HPCAL1: variants seen among roughly 807,000 people sequenced by gnomAD.
The protein encoded by HPCAL1 is hippocalcin like 1, also known as hippocalcin-like protein 1.
HPCAL1 carries 8 observed loss-of-function variants against 17.1 expected under a neutral mutation model. The ratio of observed to expected loss-of-function variants is 0.47; its 90% CI spans 0.27 to 0.84. HPCAL1 has a LOEUF of 0.84. HPCAL1 is among the 40% of genes least tolerant of loss of function. The pLI, the probability that HPCAL1 is intolerant of heterozygous loss-of-function variation, is 0.13. For missense variants in HPCAL1, 165 were observed against 271.1 expected (o/e 0.61, Z 2.75); for synonymous variants, 112 against 111.4 (o/e 1.01, Z -0.03).
At chr2:10,378,067 C>T (rs569756557) in intron 1 of HPCAL1, among the ~76,000 whole-genome samples, 1 of 152,208 alleles carries the variant, frequency 6.6e-6, no homozygotes, top group South Asian at 2.1e-4. Flanking sequence ...GACACTGGCT[C>T]TTCTGGGGTA....
chr2:10,317,633 G>A (rs1663405693), intron 1 of HPCAL1, among the ~76,000 whole-genome samples: 1 of 152,206 alleles, frequency 6.6e-6, no homozygotes, highest in South Asian at 2.1e-4. Flanking sequence ...GGCTAGGCTA[G>A]TCTCAAACTC....
At chr2:10,315,802 G>A (rs1663278391) in intron 1 of HPCAL1, among the ~76,000 whole-genome samples, 1 of 152,144 alleles carries the variant, frequency 6.6e-6, no homozygotes, top group South Asian at 2.1e-4. Flanking sequence ...AGGTCAGGAG[G>A]TCGAGACCAG....
In HPCAL1 at chr2:10,343,379, T is replaced by C. The variant is rs1035110512; in HGVS notation, c.-111+40202T>C. 2.6e-5 allele frequency among the ~76,000 whole-genome samples: 4 copies of C among 152,220 alleles called. No homozygotes were observed. The highest frequency in any genetic ancestry group is 1.9e-4 in the East Asian group (1 of 5,192). On this transcript the variant is annotated intron_variant, in intron 1 of 4. Coordinates refer to ENST00000307845, the MANE Select transcript of HPCAL1 (RefSeq NM_002149.4). The surrounding 1 kb of genome is among the most constrained non-coding windows in gnomAD (Gnocchi z 4.8). Reference sequence around the variant, plus strand: ...AAGATGATGCTAATTCTCACTAGCATGTGAAGGACTGATAGCACCATATCT... The same window carrying C: ...AAGATGATGCTAATTCTCACTAGCACGTGAAGGACTGATAGCACCATATCT...
At chr2:10,329,081 G>A (rs528316924) in intron 1 of HPCAL1, among the ~76,000 whole-genome samples, 2 of 151,998 alleles carry the variant, frequency 1.3e-5, no homozygotes, top group South Asian at 2.1e-4. Flanking sequence ...CTCCTGCCTC[G>A]GCCTCCCAAA....
Position 10,376,580 on chromosome 2 carries a change from C to T in HPCAL1, c.-110-20255C>T, listed in dbSNP as rs552312632. The stretch of plus-strand genomic sequence containing the variant: ...CCTCCCAAGTAGCTGGGATTACAGG[C>T]GTGCATCACCACACCTGGTTAATTT... On this transcript the variant is annotated intron_variant, in intron 1 of 4. Coordinates refer to ENST00000307845, the MANE Select transcript of HPCAL1 (RefSeq NM_002149.4). 2.4e-4 allele frequency among the ~76,000 whole-genome samples: 37 copies of T among 152,096 alleles called. No homozygotes were observed. The East Asian group carries it at 6.8e-3, about 28-fold the overall frequency.
At chr2:10,404,168 G>A (rs969711439) in intron 2 of HPCAL1, among the ~76,000 whole-genome samples, 3 of 152,096 alleles carry the variant, frequency 2.0e-5, no homozygotes, top group African/African-American at 7.2e-5. Context: ...CCAAAAGTTT[G>A]GGCCTGCGAG....
rs2125380975 is a variant in HPCAL1 at position 10,310,214 on chromosome 2, T to C, written c.-111+7037T>C. ...CTGTTTACTGGCTGGTGATGTTCTC[T>C]GAGTCTGTTTGGTCATGTGCAGAAA... On this transcript the variant is annotated intron_variant, in intron 1 of 4. Coordinates refer to ENST00000307845, the MANE Select transcript of HPCAL1 (RefSeq NM_002149.4). The surrounding 1 kb of genome is among the most constrained non-coding windows in gnomAD (Gnocchi z 4.5). Among the ~76,000 whole-genome samples, 1 of 152,290 alleles carries C rather than the reference T, an allele frequency of 6.6e-6. No individual in the cohort carries two copies. Among genetic ancestry groups the C allele is most frequent in the African/African-American group, 2.4e-5 (1 of 41,546 alleles).
At chr2:10,423,127 C>A in intron 4 of HPCAL1, 39 bp downstream of exon 4, 1 of 1,450,414 alleles carries the variant, frequency 6.9e-7, no homozygotes. Flanking sequence ...GTGTACGCCA[C>A]GGTAGGGGCA....
rs193212781 is a variant in HPCAL1, at chr2:10,426,854, C to T, written c.*33C>T. On this transcript the variant is annotated 3_prime_UTR_variant, in exon 5 of 5. Coordinates refer to ENST00000307845, the MANE Select transcript of HPCAL1 (RefSeq NM_002149.4). ...GCCCCTGGACAGTTGCAGAGAAACA[C>T]AGGCTTGTCGTGCCGTTTAAGCTTT... 620 of 1,563,698 alleles carry T rather than the reference C, an allele frequency of 4.0e-4. 5 individuals carry two copies. The African/African-American group carries it at 7.6e-3, about 19-fold the overall frequency.
chr2:10,327,003 A>G (rs1276452071), intron 1 of HPCAL1, among the ~76,000 whole-genome samples: 1 of 152,198 alleles, frequency 6.6e-6, no homozygotes, highest in Admixed American at 6.5e-5. Context: ...TCGTCACCCA[A>G]CCAGAGTGAA....
intron 1 of HPCAL1, among the ~76,000 whole-genome samples, chr2:10,319,365 C>T (rs1170076971): frequency 6.6e-6 from 1 of 152,208 alleles, no homozygotes; most frequent in African/African-American, 2.4e-5. Flanking sequence ...AGCATGCAGC[C>T]TCCTCCGTCT....
At chr2:10,345,983 G>A (rs1665413471) in intron 1 of HPCAL1, among the ~76,000 whole-genome samples, 1 of 152,156 alleles carries the variant, frequency 6.6e-6, no homozygotes, top group Non-Finnish European at 1.5e-5. Flanking sequence ...AAGAACAATT[G>A]TGGGAATAAG....
At chr2:10,385,628 G>A (rs532711411) in intron 1 of HPCAL1, among the ~76,000 whole-genome samples, 33 of 152,348 alleles carry the variant, frequency 2.2e-4, no homozygotes, top group African/African-American at 7.5e-4. Context: ...AGAATCCGGT[G>A]TCTGCTTGGC....
intron 2 of HPCAL1, among the ~76,000 whole-genome samples, chr2:10,403,055 A>T (rs924609963): frequency 1.3e-5 from 2 of 152,074 alleles, no homozygotes; most frequent in Non-Finnish European, 2.9e-5. Flanking sequence ...TGAACTGATC[A>T]AGTTTAGTCA....
intron 1 of HPCAL1, among the ~76,000 whole-genome samples, chr2:10,355,593 T>C (rs7573195): frequency 0.014 from 2,199 of 151,962 alleles, 45 homozygotes; most frequent in South Asian, 0.047. Context: ...TAAAGAGGGT[T>C]TCGTTTTCCT....
At chr2:10,346,417 C>G (rs188743887) in intron 1 of HPCAL1, among the ~76,000 whole-genome samples, 116 of 152,338 alleles carry the variant, frequency 7.6e-4, no homozygotes, top group African/African-American at 2.8e-3. Flanking sequence ...GAGGTGCTCC[C>G]TCATCCTCAA....
Position 10,315,781 on chromosome 2 carries a change from C to T in HPCAL1, c.-111+12604C>T, listed in dbSNP as rs983238511. 2.6e-5 allele frequency among the ~76,000 whole-genome samples: 4 copies of T among 152,108 alleles called. No homozygotes were observed. The South Asian group carries it at 8.3e-4, about 32-fold the overall frequency. On this transcript the variant is annotated intron_variant, in intron 1 of 4. Transcript: ENST00000307845. Reference sequence around the variant, plus strand: ...CAGCACTTTGGGAGGCTGAGGCAGGCGGATCACTTGAGGTCAGGAGGTCGA... The same window carrying T: ...CAGCACTTTGGGAGGCTGAGGCAGGTGGATCACTTGAGGTCAGGAGGTCGA...
intron 1 of HPCAL1, among the ~76,000 whole-genome samples, chr2:10,383,072 C>G (rs1367756060): frequency 6.6e-6 from 1 of 152,222 alleles, no homozygotes; most frequent in Non-Finnish European, 1.5e-5. Flanking sequence ...GAGTCTGCAA[C>G]TAGTCAAAAG....
intron 1 of HPCAL1, among the ~76,000 whole-genome samples, chr2:10,352,860 C>T (rs1665916692): frequency 2.0e-5 from 3 of 152,244 alleles, no homozygotes; most frequent in African/African-American, 7.2e-5. Flanking sequence ...CTCTTCTAGT[C>T]TTTCTGGCCA....
Sources: gnomAD v4.1 joint callset for allele counts (sites outside exome capture counted in the v4.1 genomes callset) on GRCh38, gnomAD v4.1.1 for gene constraint, Gnocchi (gnomAD v3.1) non-coding constraint, MANE v1.5 for transcripts, NCBI Gene and HGNC (gene_info 2026-07-23, HGNC 2026-07-21) for gene names.